WAC: variants seen among roughly 807,000 people sequenced by gnomAD.
The protein encoded by WAC is WW domain-containing adapter protein with coiled-coil.
Under a neutral mutation model 79.6 loss-of-function variants are expected in WAC, and 11 were observed. That is an observed-to-expected ratio of 0.14 (90% CI 0.09 to 0.23). The LOEUF is 0.23. WAC is among the 10% of genes least tolerant of loss of function. The pLI, the probability that WAC is intolerant of heterozygous loss-of-function variation, is 1.00. For missense variants in WAC, 728 were observed against 773.5 expected, an observed-to-expected ratio of 0.94 and a Z score of 0.70; for synonymous variants, 304 against 276.9, an observed-to-expected ratio of 1.10 and a Z score of -0.97.
chr10:28,542,626 G>A (rs1009882726), intron 3 of WAC, among the ~76,000 whole-genome samples: 1 of 152,154 alleles, frequency 6.6e-6, no homozygotes, highest in Non-Finnish European at 1.5e-5. Flanking sequence ...GTGATGGATG[G>A]AAGATACCTG....
chr10:28,583,195 A>G (rs1049381797), intron 3 of WAC, among the ~76,000 whole-genome samples: 7 of 152,110 alleles, frequency 4.6e-5, no homozygotes, highest in African/African-American at 1.7e-4. Flanking sequence ...GATGACAACT[A>G]TGTATAATAT....
intron 7 of WAC, 145 bp from the exon 8 acceptor site, chr10:28,608,041 T>A: frequency 1.2e-6 from 1 of 823,962 alleles, no homozygotes; most frequent in Non-Finnish European, 1.9e-6. Flanking sequence ...GAATGTTTAC[T>A]GAGCATCTTC....
rs1841627517 is a variant in WAC at position 28,619,824 on chromosome 10, G to A, written c.*218G>A. On this transcript the variant is annotated 3_prime_UTR_variant, in exon 14 of 14. Coordinates refer to ENST00000354911, the MANE Select transcript of WAC (RefSeq NM_016628.5). ...GATTTCTTGTAGATGTATCCTTCAC[G>A]TTGTAAATATGTTTTGTAGAGTGAA... 9.8e-6 allele frequency: 4 copies of A among 409,428 alleles called. No homozygotes were observed. Among genetic ancestry groups the A allele is most frequent in the Non-Finnish European group, 1.7e-5 (4 of 232,056 alleles). 25.4% of individuals were successfully genotyped at this position (409,428 alleles called of 1,614,324 possible).
chr10:28,547,786 A>G (rs897815233), intron 3 of WAC, among the ~76,000 whole-genome samples: 1 of 151,892 alleles, frequency 6.6e-6, no homozygotes, highest in Non-Finnish European at 1.5e-5. Context: ...GAAAATTTAG[A>G]GTTTTTCCTT....
chr10:28,548,952 T>C (rs1589137807), intron 3 of WAC, among the ~76,000 whole-genome samples: 2 of 152,128 alleles, frequency 1.3e-5, no homozygotes, highest in African/African-American at 4.8e-5. Context: ...TGGAGTGCAC[T>C]GGTATGGTCA....
At chr10:28,618,077 C>G (rs1490161197) in intron 13 of WAC, 1 of 200,616 alleles carries the variant, frequency 5.0e-6, no homozygotes, top group African/African-American at 2.4e-5. Flanking sequence ...TAAATGTCCT[C>G]TCTTGCTGAG....
In WAC at chr10:28,619,408, T is replaced by C; in HGVS notation, c.1875-129T>C. 3 of 673,874 alleles carry C rather than the reference T, an allele frequency of 4.5e-6. No individual in the cohort carries two copies. In the South Asian group the frequency reaches 6.4e-5, roughly 14 times the overall value. 41.7% of individuals were successfully genotyped at this position (673,874 alleles called of 1,614,324 possible). A position where few individuals can be genotyped will look rare whatever the true frequency, so the allele number is the denominator to read the frequency against. On this transcript the variant is annotated intron_variant, in intron 13 of 13. Transcript: ENST00000354911. ...TGTAAACCAATTTATAGTTAAATAA[T>C]TTTTTAAATTTCTTTGCCTTAATTA...
intron 3 of WAC, among the ~76,000 whole-genome samples, chr10:28,548,456 A>T (rs1042861956): frequency 6.6e-6 from 1 of 151,950 alleles, no homozygotes; most frequent in African/African-American, 2.4e-5. Flanking sequence ...TGTACACTCC[A>T]CTCTGGGGAG....
At chr10:28,581,091 T>A (rs1839509235) in intron 3 of WAC, among the ~76,000 whole-genome samples, 1 of 152,118 alleles carries the variant, frequency 6.6e-6, no homozygotes, top group Non-Finnish European at 1.5e-5. Flanking sequence ...CACTAGAGAT[T>A]TAGTGTGCAC....
chr10:28,533,969 T>G, intron 1 of WAC, 29 bp from the exon 2 acceptor site: 2 of 1,605,544 alleles, frequency 1.2e-6, no homozygotes, highest in Non-Finnish European at 1.7e-6. Context: ...CCGTGTCTTA[T>G]GTCGCTGCCT....
At chr10:28,542,979 C>A (rs945398789) in intron 3 of WAC, among the ~76,000 whole-genome samples, 7 of 152,118 alleles carry the variant, frequency 4.6e-5, no homozygotes, top group Non-Finnish European at 8.8e-5. Context: ...TTCCTGTTAC[C>A]TTGAATAGTG....
At chr10:28,562,145 C>T (rs1276315578) in intron 3 of WAC, among the ~76,000 whole-genome samples, 1 of 152,166 alleles carries the variant, frequency 6.6e-6, no homozygotes, top group Non-Finnish European at 1.5e-5. Flanking sequence ...GCAACTTTGC[C>T]TCCTGAGTTC....
rs573222340 is a variant in WAC, at chr10:28,620,675, C to T, written c.*1069C>T. 3.3e-5 allele frequency: 5 copies of T among 152,152 alleles called. No homozygotes were observed. The highest frequency in any genetic ancestry group is 7.2e-5 in the African/African-American group (3 of 41,516). The allele number at this position is 152,152 out of a possible 1,614,324, so 9.4% of individuals were successfully genotyped here. ...TCCTTAAGGGAGGTTTTGTTTAAAA[C>T]GTATTAACAGGAAATTGTGTATGAG... On this transcript the variant is annotated 3_prime_UTR_variant, in exon 14 of 14. Transcript: ENST00000354911.
rs992976020 is a variant in WAC, at chr10:28,543,046, T to C, written c.274+7289T>C. ...TAGATAAAAAAAATTTGGATTGTTA[T>C]AATTTAAGGGGAATGAAATTATAGT... On this transcript the variant is annotated intron_variant, in intron 3 of 13. Coordinates refer to ENST00000354911, the MANE Select transcript of WAC (RefSeq NM_016628.5). 3.9e-5 allele frequency among the ~76,000 whole-genome samples: 6 copies of C among 152,346 alleles called. No individual in the cohort carries two copies. In the East Asian group the frequency reaches 5.8e-4, roughly 15 times the overall value.
Position 28,589,800 on chromosome 10 carries a change from A to G in WAC, c.446A>G (p.Asn149Ser), listed in dbSNP as rs763061014. The change falls in exon 5 of 14, where the codon AAT becomes AGT. Residue 149 changes from asparagine (N) to serine (S), a missense_variant. Around this residue, in one of 3 missense-constraint regions of WAC, gnomAD observed 648 missense variants for 661.5 expected, o/e 0.98. Transcript: ENST00000354911. ...ISSSGKKYYY[N>S]CRTEVSQWEK... ...TCTTCTGGGAAAAAGTACTACTACA[A>G]TTGTCGAACAGAAGTTTCACAATGG... 1.4e-5 allele frequency: 23 copies of G among 1,613,818 alleles called. No homozygotes were observed. Among genetic ancestry groups the G allele is most frequent in the Admixed American group, 1.7e-5 (1 of 60,000 alleles).
At chr10:28,552,949 G>A (rs1837769238) in intron 3 of WAC, among the ~76,000 whole-genome samples, 1 of 150,754 alleles carries the variant, frequency 6.6e-6, no homozygotes, top group Admixed American at 6.6e-5. Flanking sequence ...ACCTGTACAG[G>A]AGAGCCTTTC....
intron 3 of WAC, among the ~76,000 whole-genome samples, chr10:28,545,452 C>A (rs950722547): frequency 1.3e-5 from 2 of 152,006 alleles, no homozygotes; most frequent in African/African-American, 4.8e-5. Flanking sequence ...TACATTCCAC[C>A]CTGGGCAACA....
intron 3 of WAC, among the ~76,000 whole-genome samples, chr10:28,563,921 G>T (rs974020044): frequency 5.3e-5 from 8 of 151,730 alleles, no homozygotes; most frequent in Non-Finnish European, 2.9e-5. Flanking sequence ...TTTTTAACAA[G>T]AATTATAGTA....
At chr10:28,567,925 T>C (rs972891497) in intron 3 of WAC, among the ~76,000 whole-genome samples, 2 of 152,060 alleles carry the variant, frequency 1.3e-5, no homozygotes, top group African/African-American at 2.4e-5. Flanking sequence ...GTTGTAGAGA[T>C]GGGGGTCTCG....
Sources: gnomAD v4.1 joint callset for allele counts (sites outside exome capture counted in the v4.1 genomes callset) on GRCh38, gnomAD v4.1.1 for gene constraint, gnomAD v4.1.1 regional missense constraint, MANE v1.5 for transcripts, NCBI Gene and HGNC (gene_info 2026-07-23, HGNC 2026-07-21) for gene names.